USP34: variants seen among roughly 807,000 people sequenced by gnomAD.
USP34 encodes the protein ubiquitin carboxyl-terminal hydrolase 34.
USP34 carries 70 observed loss-of-function variants against 460.3 expected under a neutral mutation model. That is an observed-to-expected ratio of 0.15 (90% CI 0.13 to 0.19). The LOEUF is 0.19. Ranked by LOEUF, USP34 falls within the 10% of genes least tolerant of loss-of-function variation. The pLI, the probability that USP34 is intolerant of heterozygous loss-of-function variation, is 1.00. For synonymous variants in USP34, 1,647 were observed against 1,405.3 expected, an observed-to-expected ratio of 1.17 and a Z score of -3.85; for missense variants, 3,985 against 4,236.2, an observed-to-expected ratio of 0.94 and a Z score of 1.65.
chr2:61,290,444 T>C (rs1321159679), intron 33 of USP34, among the ~76,000 whole-genome samples: 2 of 152,130 alleles, frequency 1.3e-5, no homozygotes, highest in African/African-American at 4.8e-5. Context: ...CAAATGTCAA[T>C]AGGTGAGCAG....
intron 67 of USP34, among the ~76,000 whole-genome samples, chr2:61,217,406 G>A (rs768224946): frequency 2.0e-5 from 3 of 152,064 alleles, no homozygotes; most frequent in Non-Finnish European, 4.4e-5. Flanking sequence ...TTCCTATGAA[G>A]CTTTTCTTTT....
chr2:61,425,572 C>G (rs761957632), intron 1 of USP34, among the ~76,000 whole-genome samples: 14 of 152,062 alleles, frequency 9.2e-5, no homozygotes, highest in Non-Finnish European at 1.6e-4. Flanking sequence ...AGCCCTAAAG[C>G]GGAGGGCAAC....
intron 75 of USP34, among the ~76,000 whole-genome samples, chr2:61,202,763 A>G (rs952200330): frequency 2.0e-5 from 3 of 152,044 alleles, no homozygotes; most frequent in African/African-American, 7.2e-5. Flanking sequence ...GGCACTATAG[A>G]TCTCATCGCA....
At chr2:61,305,983 C>T (rs1417188581) in intron 27 of USP34, among the ~76,000 whole-genome samples, 1 of 151,974 alleles carries the variant, frequency 6.6e-6, no homozygotes, top group African/African-American at 2.4e-5. Flanking sequence ...GGATATTAGC[C>T]CTTTGTCAGA....
intron 76 of USP34, among the ~76,000 whole-genome samples, chr2:61,191,793 A>G (rs780972769): frequency 9.2e-5 from 14 of 152,230 alleles, no homozygotes; most frequent in Non-Finnish European, 1.5e-5. Context: ...GAAGAATGAA[A>G]AAGAACAGCA....
At chr2:61,407,931 A>G (rs942367899) in intron 2 of USP34, among the ~76,000 whole-genome samples, 3 of 152,160 alleles carry the variant, frequency 2.0e-5, no homozygotes, top group Admixed American at 6.6e-5. Flanking sequence ...CCTGGTCAAC[A>G]TGGTGAAACC....
rs2103858443 is a variant in USP34, at chr2:61,241,595, C to T, written c.6742G>A (p.Glu2248Lys). 6.2e-7 allele frequency: 1 copy of T among 1,610,552 alleles called. No homozygotes were observed. Among genetic ancestry groups the T allele is most frequent in the Middle Eastern group, 1.7e-4 (1 of 6,044 alleles). ...TCTGACGAAACATCAAATTTGTATTCTCTGCCATTTTCTTCCTCTGGTTCC... is the reference window on the plus strand; with the variant it reads ...TCTGACGAAACATCAAATTTGTATTTTCTGCCATTTTCTTCCTCTGGTTCC... Reference protein sequence around the residue: ...RMEPEEENGREYKFDVSSELL... With the variant: ...RMEPEEENGRKYKFDVSSELL... The change falls in exon 53 of 80, where the codon GAA (glutamate) becomes AAA (lysine). Residue 2248 changes from glutamate (E) to lysine (K), a missense_variant. This residue lies in a region of USP34 where 604 missense variants were observed against 684.8 expected (regional missense o/e 0.88). Coordinates refer to ENST00000398571, the MANE Select transcript of USP34 (RefSeq NM_014709.4).
At chr2:61,205,025 T>TG (rs1056825929) in intron 72 of USP34, among the ~76,000 whole-genome samples, 2 of 152,064 alleles carry the variant, frequency 1.3e-5, no homozygotes, top group Admixed American at 6.6e-5. Flanking sequence ...CAGCTATTTT[T>TG]TTTGTTTGTT....
intron 62 of USP34, among the ~76,000 whole-genome samples, chr2:61,225,191 A>G (rs1687691285): frequency 1.3e-5 from 2 of 152,188 alleles, no homozygotes; most frequent in South Asian, 4.1e-4. Context: ...TTAGTTTTAA[A>G]TAAGTTATGC....
intron 5 of USP34, among the ~76,000 whole-genome samples, chr2:61,388,360 A>G (rs2103884835): frequency 6.6e-6 from 1 of 152,124 alleles, no homozygotes; most frequent in East Asian, 1.9e-4. Flanking sequence ...ACCTGACAGA[A>G]GTATAAATTA....
At chr2:61,382,910 G>C (rs1412332948) in intron 6 of USP34, among the ~76,000 whole-genome samples, 1 of 152,062 alleles carries the variant, frequency 6.6e-6, no homozygotes, top group Non-Finnish European at 1.5e-5. Flanking sequence ...TTTGTAAACA[G>C]ACTGCACAAG....
intron 10 of USP34, among the ~76,000 whole-genome samples, chr2:61,359,648 C>G (rs1692213412): frequency 6.6e-6 from 1 of 151,852 alleles, no homozygotes; most frequent in African/African-American, 2.4e-5. Context: ...GAAAATAAAC[C>G]ATAGATCACA....
chr2:61,241,600 C>A lies in USP34; in HGVS notation c.6737G>T (p.Gly2246Val), dbSNP rs1300457041. 1 of 1,610,474 alleles carries A rather than the reference C, an allele frequency of 6.2e-7. No homozygotes were observed. Among genetic ancestry groups the A allele is most frequent in the Non-Finnish European group, 8.5e-7 (1 of 1,179,042 alleles). ...CGAAACATCAAATTTGTATTCTCTG[C>A]CATTTTCTTCCTCTGGTTCCATGCG... Reference protein sequence around the residue: ...YKRMEPEEENGREYKFDVSSE... With the variant: ...YKRMEPEEENVREYKFDVSSE... The change falls in exon 53 of 80, where the codon GGC (glycine) becomes GTC (valine). Residue 2246 changes from glycine (G) to valine (V), a missense_variant. Gly to Val is a moderately radical substitution (Grantham distance 109). Coordinates refer to ENST00000398571, the MANE Select transcript of USP34 (RefSeq NM_014709.4).
At chr2:61,351,303 GCTTTT>G (rs1558544300) in intron 10 of USP34, among the ~76,000 whole-genome samples, 1 of 152,068 alleles carries the variant, frequency 6.6e-6, no homozygotes, top group African/African-American at 2.4e-5. Flanking sequence ...TTTATATAAT[GCTTTT>G]ATTTTACTGG....
chr2:61,367,002 C>G (rs1322594835), intron 10 of USP34, among the ~76,000 whole-genome samples: 1 of 152,038 alleles, frequency 6.6e-6, no homozygotes, highest in African/African-American at 2.4e-5. Flanking sequence ...CAAGTCAAGA[C>G]TCCACCACCG....
At chr2:61,220,641 G>A (rs1475962507) in intron 66 of USP34, among the ~76,000 whole-genome samples, 184 bp from the exon 67 acceptor site, 3 of 152,092 alleles carry the variant, frequency 2.0e-5, no homozygotes, top group Non-Finnish European at 4.4e-5. Flanking sequence ...AACAGGAAGT[G>A]TTCAGAAAAA....
At chr2:61,356,671 G>T (rs939043218) in intron 10 of USP34, among the ~76,000 whole-genome samples, 1 of 152,092 alleles carries the variant, frequency 6.6e-6, no homozygotes, top group Non-Finnish European at 1.5e-5. Flanking sequence ...TCAAAATCAC[G>T]GAAACAGAAA....
chr2:61,190,666 G>T lies in USP34; in HGVS notation c.9589-8C>A. 6.2e-7 allele frequency: 1 copy of T among 1,611,100 alleles called. No individual in the cohort carries two copies. Among genetic ancestry groups the T allele is most frequent in the South Asian group, 1.1e-5 (1 of 90,688 alleles). ...GTTTTTTGACATAGCAGACTAAAGT[G>T]GGGAGAAGATGGTTGAGCACTTACG... On this transcript the variant is annotated splice_polypyrimidine_tract_variant and splice_region_variant and intron_variant, in intron 76 of 79. Transcript: ENST00000398571.
chr2:61,296,299 A>C (rs1303432298), intron 30 of USP34, among the ~76,000 whole-genome samples: 2 of 152,240 alleles, frequency 1.3e-5, no homozygotes, highest in East Asian at 3.9e-4. Flanking sequence ...AACAGTCTTT[A>C]ATGTTAAAGA....
Sources: allele counts gnomAD v4.1 joint callset (sites outside exome capture counted in the v4.1 genomes callset), GRCh38; gene constraint gnomAD v4.1.1; regional missense constraint gnomAD v4.1.1; transcripts MANE v1.5; gene names NCBI Gene and HGNC (gene_info 2026-07-23, HGNC 2026-07-21).